Variants in C1orf146 observed in about 807,000 individuals in gnomAD.
C1orf146 encodes protein SPO16 homolog.
Under a neutral mutation model 23.0 loss-of-function variants are expected in C1orf146, and 22 were observed. The observed-to-expected ratio is 0.96, with a 90% CI of 0.68 to 1.36. The LOEUF (loss-of-function observed/expected upper bound fraction) is 1.36. Ranked by LOEUF, C1orf146 falls within the 40% of genes most tolerant of loss-of-function variation. The probability of loss-of-function intolerance (pLI) is 0.00; values close to 1 mark genes in which losing one functional copy is unlikely to be tolerated. For synonymous variants in C1orf146, 59 were observed against 65.3 expected (o/e 0.90, Z 0.47); for missense variants, 199 against 206.8 (o/e 0.96, Z 0.23).
At chr1:92,219,566 G>A (rs960981446) in intron 1 of C1orf146, among the ~76,000 whole-genome samples, 1 of 129,712 alleles carries the variant, frequency 7.7e-6, no homozygotes, top group African/African-American at 2.9e-5. Flanking sequence ...TGCAGGAATG[G>A]GATCTCAGGT....
At chr1:92,220,163 A>G (rs1403591220) in intron 1 of C1orf146, among the ~76,000 whole-genome samples, 8 of 152,234 alleles carry the variant, frequency 5.3e-5, no homozygotes, top group Middle Eastern at 3.4e-3. Flanking sequence ...CAGTCCTAGA[A>G]TCGACCATTT....
At chr1:92,243,242 G>A (rs576260187) in intron 3 of C1orf146, among the ~76,000 whole-genome samples, 7 of 152,116 alleles carry the variant, frequency 4.6e-5, no homozygotes, top group South Asian at 2.1e-4. Context: ...CTCCCACATC[G>A]TTTGAAGAGC....
intron 3 of C1orf146, among the ~76,000 whole-genome samples, chr1:92,243,200 G>A (rs1652471911): frequency 6.6e-6 from 1 of 152,150 alleles, no homozygotes; most frequent in Admixed American, 6.5e-5. Context: ...TACTCAATTA[G>A]TGTATAATCA....
At chr1:92,239,738 G>GAGCCC (rs1244925862) in intron 2 of C1orf146, among the ~76,000 whole-genome samples, 1 of 150,934 alleles carries the variant, frequency 6.6e-6, no homozygotes, top group Non-Finnish European at 1.5e-5. Flanking sequence ...GTGACAGAGT[G>GAGCCC]AGACCCTGTC....
rs150644771 is a variant in C1orf146 at position 92,243,126 on chromosome 1, A to G, written c.160+821A>G. ...ATCCTTCTGACAAATCTAACAAAAA[A>G]TTTACTCCCATGTTACAGAAGAGGA... is the stretch of plus-strand genomic sequence containing the variant. On this transcript the variant is annotated intron_variant, in intron 3 of 5. Transcript: ENST00000370375. Among the ~76,000 whole-genome samples, 563 of 152,288 alleles carry G rather than the reference A, an allele frequency of 3.7e-3. 2 individuals are homozygous for G. The highest frequency in any genetic ancestry group is 0.014 in the South Asian group (68 of 4,830).
intron 3 of C1orf146, among the ~76,000 whole-genome samples, chr1:92,243,721 T>A (rs1049465484): frequency 3.3e-5 from 5 of 152,176 alleles, no homozygotes; most frequent in Non-Finnish European, 7.4e-5. Context: ...TCTTGGTTGC[T>A]GAACACATGG....
In C1orf146 at chr1:92,232,762, C is replaced by T. The variant is rs537934999; in HGVS notation, c.66+1276C>T. 1.6e-4 allele frequency among the ~76,000 whole-genome samples: 24 copies of T among 150,806 alleles called. No homozygotes were observed. In the East Asian group the frequency reaches 4.1e-3, roughly 26 times the overall value. ...TGTTCCTATTTCTCCACATCCTCTC[C>T]AGCACCTGTTGTTTCCTGACTTTTT... On this transcript the variant is annotated intron_variant, in intron 2 of 5. Transcript: ENST00000370375.
chr1:92,230,521 CAGG>C (rs1570790499), intron 1 of C1orf146, among the ~76,000 whole-genome samples: 1 of 151,324 alleles, frequency 6.6e-6, no homozygotes, highest in African/African-American at 2.4e-5. Flanking sequence ...GAGGCTGAGG[CAGG>C]AGAATGGCAT....
chr1:92,243,962 A>G (rs1652498550), intron 3 of C1orf146, among the ~76,000 whole-genome samples: 1 of 152,102 alleles, frequency 6.6e-6, no homozygotes, highest in Admixed American at 6.5e-5. Context: ...CTAGGAAAAA[A>G]AAAAAAACAG....
At chr1:92,229,588 G>T (rs1652059859) in intron 1 of C1orf146, among the ~76,000 whole-genome samples, 1 of 152,184 alleles carries the variant, frequency 6.6e-6, no homozygotes, top group African/African-American at 2.4e-5. Flanking sequence ...TCCAACTCCA[G>T]TGTGCAGCAA....
rs1033933994 is a variant in C1orf146, at chr1:92,237,436, C to T, written c.67-4776C>T. Among the ~76,000 whole-genome samples, 4 of 152,280 alleles carry T rather than the reference C, an allele frequency of 2.6e-5. No homozygotes were observed. The South Asian group carries it at 6.2e-4, about 24-fold the overall frequency. On this transcript the variant is annotated intron_variant, in intron 2 of 5. Transcript: ENST00000370375. ...CAGAACAGTGGTTTTTTGTGAACCACGAATGCTGCTGTCTGATCATTCCTC... is the reference window on the plus strand; with the variant it reads ...CAGAACAGTGGTTTTTTGTGAACCATGAATGCTGCTGTCTGATCATTCCTC...
At chr1:92,239,533 T>C (rs998385836) in intron 2 of C1orf146, among the ~76,000 whole-genome samples, 2 of 152,010 alleles carry the variant, frequency 1.3e-5, no homozygotes, top group Non-Finnish European at 2.9e-5. Context: ...GGTGGATCAC[T>C]TGAGGTCAGG....
intron 1 of C1orf146, among the ~76,000 whole-genome samples, chr1:92,224,207 C>T (rs535607765): frequency 4.0e-5 from 6 of 151,756 alleles, no homozygotes; most frequent in Admixed American, 6.6e-5. Flanking sequence ...CCCACCACCA[C>T]ACCTGGCTAA....
intron 1 of C1orf146, among the ~76,000 whole-genome samples, chr1:92,227,988 C>T (rs1652011194): frequency 6.6e-6 from 1 of 152,116 alleles, no homozygotes; most frequent in Non-Finnish European, 1.5e-5. Context: ...CTGCTCCATT[C>T]TCTTTTCTCT....
At position 92,245,682 on chromosome 1, in the gene C1orf146, A is replaced by G; in HGVS notation, c.*8A>G. On this transcript the variant is annotated 3_prime_UTR_variant, in exon 6 of 6. Transcript: ENST00000370375. Reference sequence around the variant, plus strand: ...TCAGTTAACCCAAATTAGAGTACCAACTTAATGTTTTTCTCGAAGAATGTG... The same window carrying G: ...TCAGTTAACCCAAATTAGAGTACCAGCTTAATGTTTTTCTCGAAGAATGTG... 1 of 1,524,744 alleles carries G rather than the reference A, an allele frequency of 6.6e-7. No individual in the cohort carries two copies. Among genetic ancestry groups the G allele is most frequent in the Non-Finnish European group, 8.8e-7 (1 of 1,137,178 alleles). The allele number at this position is 1,524,744 out of a possible 1,614,324, so 94.5% of individuals were successfully genotyped here.
intron 2 of C1orf146, among the ~76,000 whole-genome samples, chr1:92,239,619 G>A (rs949858139): frequency 1.3e-5 from 2 of 152,076 alleles, no homozygotes; most frequent in South Asian, 2.1e-4. Flanking sequence ...AGGCATGGTG[G>A]TGCATGCCTG....
At position 92,230,660 on chromosome 1, in the gene C1orf146, G is replaced by A. The variant is rs144450562; in HGVS notation, c.-39-722G>A. On this transcript the variant is annotated intron_variant, in intron 1 of 5. Coordinates refer to ENST00000370375, the MANE Select transcript of C1orf146 (RefSeq NM_001012425.2). Reference sequence around the variant, plus strand: ...CCAGGCATGGTGGTGCATACCTGTAGTCCTAGCTACTTGGGAAGCTGAGGC... The same window carrying A: ...CCAGGCATGGTGGTGCATACCTGTAATCCTAGCTACTTGGGAAGCTGAGGC... Among the ~76,000 whole-genome samples, 1,078 of 151,610 alleles carry A rather than the reference G, an allele frequency of 7.1e-3. 12 individuals are homozygous for A. The highest frequency in any genetic ancestry group is 0.025 in the African/African-American group (1,015 of 41,298).
intron 2 of C1orf146, among the ~76,000 whole-genome samples, chr1:92,232,766 ACCTGTTGTTT>A (rs1652165459): frequency 6.6e-6 from 1 of 150,574 alleles, no homozygotes; most frequent in South Asian, 2.1e-4. Context: ...CCTCTCCAGC[ACCTGTTGTTT>A]CCTGACTTTT....
chr1:92,244,733 G>A, intron 4 of C1orf146, 46 bp from the exon 5 acceptor site: 1 of 1,207,686 alleles, frequency 8.3e-7, no homozygotes, highest in African/African-American at 1.5e-5. Flanking sequence ...TAAGAGAACA[G>A]ATGTCAGCAA....
Sources: allele counts gnomAD v4.1 joint callset (sites outside exome capture counted in the v4.1 genomes callset), GRCh38; gene constraint gnomAD v4.1.1; transcripts MANE v1.5; gene names NCBI Gene and HGNC (gene_info 2026-07-23, HGNC 2026-07-21).